PRLR: variants seen among roughly 807,000 people sequenced by gnomAD.
PRLR encodes the protein hPRL receptor.
In PRLR, 13 loss-of-function variants were observed where a neutral mutation model predicts 40.2. The ratio of observed to expected loss-of-function variants is 0.32; its 90% CI spans 0.21 to 0.51. PRLR has a LOEUF of 0.51. Among genes scored for constraint, PRLR ranks in the 20% least tolerant of loss-of-function variants. The probability of loss-of-function intolerance (pLI) is 0.97; values close to 1 mark genes in which losing one functional copy is unlikely to be tolerated. For synonymous variants in PRLR, 269 were observed against 278.7 expected, an observed-to-expected ratio of 0.97 and a Z score of 0.35; for missense variants, 656 against 747.3, an observed-to-expected ratio of 0.88 and a Z score of 1.42.
At chr5:35,213,682 G>T (rs1235421448) in intron 1 of PRLR, among the ~76,000 whole-genome samples, 1 of 152,150 alleles carries the variant, frequency 6.6e-6, no homozygotes, top group South Asian at 2.1e-4. Context: ...GTTCCTTTTG[G>T]TGCAGCCACC....
intron 4 of PRLR, among the ~76,000 whole-genome samples, chr5:35,084,956 A>C (rs1770752439): frequency 6.6e-6 from 1 of 152,184 alleles, no homozygotes. Context: ...TGGCCCAGGC[A>C]CCACCATACC....
chr5:35,205,663 AG>A (rs1775997783), intron 1 of PRLR, among the ~76,000 whole-genome samples: 1 of 152,168 alleles, frequency 6.6e-6, no homozygotes, highest in African/African-American at 2.4e-5. Context: ...GCTGGGAGAA[AG>A]AAAAAGCCCC....
intron 1 of PRLR, among the ~76,000 whole-genome samples, chr5:35,139,961 T>C (rs1013924210): frequency 2.0e-5 from 3 of 152,180 alleles, no homozygotes; most frequent in African/African-American, 7.2e-5. Context: ...ATAAAAGTCT[T>C]TGAAGTAATT....
chr5:35,220,991 G>A (rs929450165), intron 1 of PRLR, among the ~76,000 whole-genome samples: 3 of 152,164 alleles, frequency 2.0e-5, no homozygotes, highest in Non-Finnish European at 4.4e-5. Context: ...CATTTAGGAT[G>A]ACTTGGAATT....
chr5:35,101,835 T>C (rs1368605777), intron 2 of PRLR, among the ~76,000 whole-genome samples: 2 of 148,660 alleles, frequency 1.3e-5, no homozygotes, highest in African/African-American at 4.9e-5. Flanking sequence ...ATTATATATA[T>C]ATATATTTTT....
chr5:35,160,596 G>A (rs1774646018), intron 1 of PRLR, among the ~76,000 whole-genome samples: 1 of 152,128 alleles, frequency 6.6e-6, no homozygotes, highest in South Asian at 2.1e-4. Flanking sequence ...GGTGTAGGCT[G>A]GTCACAAGAT....
intron 1 of PRLR, among the ~76,000 whole-genome samples, chr5:35,142,869 A>T (rs1774063810): frequency 2.0e-5 from 3 of 152,066 alleles, no homozygotes; most frequent in Admixed American, 2.0e-4. Context: ...GAGTTACTTA[A>T]CCTCTGTGTT....
At chr5:35,093,750 G>C (rs189275885) in intron 2 of PRLR, among the ~76,000 whole-genome samples, 1 of 152,324 alleles carries the variant, frequency 6.6e-6, no homozygotes, top group East Asian at 1.9e-4. Flanking sequence ...TGACATTTCA[G>C]TTAATGATGG....
At chr5:35,138,999 A>G in intron 1 of PRLR, among the ~76,000 whole-genome samples, 1 of 152,378 alleles carries the variant, frequency 6.6e-6, no homozygotes, top group East Asian at 1.9e-4. Context: ...GGTACAAAAA[A>G]TAAGGAAAGA....
At chr5:35,200,582 C>A (rs540263145) in intron 1 of PRLR, among the ~76,000 whole-genome samples, 1 of 152,164 alleles carries the variant, frequency 6.6e-6, no homozygotes, top group Non-Finnish European at 1.5e-5. Context: ...TTTTCTTAAC[C>A]AAGCTGTCCT....
At chr5:35,160,287 C>T (rs1383367274) in intron 1 of PRLR, among the ~76,000 whole-genome samples, 1 of 152,128 alleles carries the variant, frequency 6.6e-6, no homozygotes, top group Non-Finnish European at 1.5e-5. Flanking sequence ...ATGCCTATTC[C>T]TTTCTATGGC....
intron 1 of PRLR, among the ~76,000 whole-genome samples, chr5:35,142,111 C>G (rs539972439): frequency 6.6e-6 from 1 of 152,162 alleles, no homozygotes. Flanking sequence ...CACCAACCTT[C>G]GGCAAATCTC....
intron 2 of PRLR, among the ~76,000 whole-genome samples, chr5:35,106,285 A>G (rs1772243483): frequency 6.6e-6 from 1 of 152,226 alleles, no homozygotes; most frequent in African/African-American, 2.4e-5. Flanking sequence ...CCAAATTGTA[A>G]AGACCATCAA....
intron 1 of PRLR, among the ~76,000 whole-genome samples, chr5:35,207,071 C>A (rs1561365223): frequency 1.3e-5 from 2 of 152,064 alleles, no homozygotes; most frequent in Non-Finnish European, 2.9e-5. Flanking sequence ...TTAGCTTCCA[C>A]ATAACACACT....
chr5:35,153,083 C>T (rs555497757), intron 1 of PRLR: 1 of 152,276 alleles, frequency 6.6e-6, no homozygotes, highest in African/African-American at 2.4e-5. Flanking sequence ...ATTGATCCTT[C>T]AGGGTTATTC....
chr5:35,084,195 G>A lies in PRLR; in HGVS notation c.373+275C>T, dbSNP rs2112454572. Reference sequence around the variant, plus strand: ...AAGGGCAGGGCAAGAAAGAAGAGTTGGCAAGGGAAACATACATAGAACATT... The same window carrying A: ...AAGGGCAGGGCAAGAAAGAAGAGTTAGCAAGGGAAACATACATAGAACATT... On this transcript the variant is annotated intron_variant, in intron 5 of 9. Transcript: ENST00000618457. 2.6e-5 allele frequency among the ~76,000 whole-genome samples: 4 copies of A among 152,266 alleles called. No individual in the cohort carries two copies. The South Asian group carries it at 8.3e-4, about 32-fold the overall frequency.
chr5:35,159,036 T>C (rs1335128184), intron 1 of PRLR, among the ~76,000 whole-genome samples: 1 of 152,190 alleles, frequency 6.6e-6, no homozygotes, highest in Non-Finnish European at 1.5e-5. Context: ...CAAAAAGTCT[T>C]GATAACAATG....
rs3836809 is a variant in PRLR, at chr5:35,083,068, TACACACAC to T, written c.373+1394_373+1401del. On this transcript the variant is annotated intron_variant, in intron 5 of 9. Transcript: ENST00000618457. ...ATTATAATGCTTGAGGGTAAGGCAA[TACACACAC>T]ACACACACACACACACACACACACA... is the stretch of plus-strand genomic sequence containing the variant. Among the ~76,000 whole-genome samples, 1,046 of 144,830 alleles carry T rather than the reference TACACACAC, an allele frequency of 7.2e-3. 16 individuals are homozygous for T. Among genetic ancestry groups the T allele is most frequent in the African/African-American group, 0.025 (1,006 of 39,778 alleles).
At chr5:35,165,032 T>C (rs1040378881) in intron 1 of PRLR, among the ~76,000 whole-genome samples, 5 of 152,372 alleles carry the variant, frequency 3.3e-5, no homozygotes, top group African/African-American at 1.2e-4. Context: ...AAAATGTCAG[T>C]TAATGGGTGA....
Sources: gnomAD v4.1 joint callset for allele counts (sites outside exome capture counted in the v4.1 genomes callset) on GRCh38, gnomAD v4.1.1 for gene constraint, MANE v1.5 for transcripts, NCBI Gene and HGNC (gene_info 2026-07-23, HGNC 2026-07-21) for gene names.